The following LAMA2 variants were observed in gnomAD, a reference collection of about 807,000 sequenced individuals.
LAMA2 encodes laminin subunit alpha-2.
A neutral mutation model predicts 364.8 loss-of-function variants in LAMA2; 269 were observed. That is an observed-to-expected ratio of 0.74 (90% confidence interval 0.67 to 0.82). The LOEUF is 0.82. LAMA2 is among the 40% of genes least tolerant of loss of function. The pLI, the probability that LAMA2 is intolerant of heterozygous loss-of-function variation, is 0.00. For synonymous variants in LAMA2, 1,379 were observed against 1,370.6 expected (o/e 1.01, Z -0.14); for missense variants, 3,807 against 3,873.2 (o/e 0.98, Z 0.45).
chr6:128,942,086 G>A (rs1048089713), intron 1 of LAMA2, among the ~76,000 whole-genome samples: 7 of 152,106 alleles, frequency 4.6e-5, no homozygotes, highest in Middle Eastern at 3.4e-3. Context: ...ACTAAACAAC[G>A]GAAGCACAAA....
chr6:129,478,063 G>A (rs1784163917), intron 53 of LAMA2, among the ~76,000 whole-genome samples: 1 of 152,028 alleles, frequency 6.6e-6, no homozygotes. Flanking sequence ...CAAAATGCAG[G>A]GATTACAGGA....
chr6:128,891,991 A>C (rs1225345236), intron 1 of LAMA2, among the ~76,000 whole-genome samples: 7 of 152,080 alleles, frequency 4.6e-5, no homozygotes, highest in Non-Finnish European at 8.8e-5. Flanking sequence ...CAACGGAGTT[A>C]AATTTTCTAT....
chr6:129,259,311 C>A (rs1380967624), intron 14 of LAMA2, among the ~76,000 whole-genome samples: 1 of 152,070 alleles, frequency 6.6e-6, no homozygotes, highest in Non-Finnish European at 1.5e-5. Context: ...ATTCCCAAAT[C>A]TAACAAGTTA....
chr6:129,272,073 G>T (rs1205301642), intron 17 of LAMA2, among the ~76,000 whole-genome samples: 1 of 152,126 alleles, frequency 6.6e-6, no homozygotes, highest in Admixed American at 6.6e-5. Context: ...TGGAAAAGAA[G>T]AGAAAGCACT....
chr6:129,145,109 G>T (rs1256150633), intron 5 of LAMA2, among the ~76,000 whole-genome samples: 4 of 152,002 alleles, frequency 2.6e-5, no homozygotes, highest in Non-Finnish European at 1.5e-5. Flanking sequence ...ACTATAGGGA[G>T]AAATTAATAT....
At chr6:129,475,316 T>A in intron 52 of LAMA2, 74 bp from the exon 53 acceptor site, 1 of 889,808 alleles carries the variant, frequency 1.1e-6, no homozygotes, top group Non-Finnish European at 1.7e-6. Context: ...GTTTATTGTT[T>A]TACTAAATGA....
intron 28 of LAMA2, among the ~76,000 whole-genome samples, chr6:129,324,645 C>T (rs1775164764): frequency 6.6e-6 from 1 of 152,186 alleles, no homozygotes; most frequent in Non-Finnish European, 1.5e-5. Context: ...CACACCTAGG[C>T]TACATGGGAT....
intron 12 of LAMA2, among the ~76,000 whole-genome samples, chr6:129,243,940 C>T (rs1435661076): frequency 6.6e-6 from 1 of 151,006 alleles, no homozygotes; most frequent in East Asian, 1.9e-4. Context: ...AAAAAGAGGG[C>T]AGGAAAAGCA....
chr6:129,498,171 C>G (rs1293410992), intron 58 of LAMA2, among the ~76,000 whole-genome samples: 1 of 152,114 alleles, frequency 6.6e-6, no homozygotes. Context: ...AAGAGTTCAG[C>G]CGTAAACCTC....
intron 39 of LAMA2, 51 bp downstream of exon 39, chr6:129,402,538 G>C (rs1780041089): frequency 6.5e-7 from 1 of 1,536,520 alleles, no homozygotes; most frequent in Non-Finnish European, 9.0e-7. Flanking sequence ...CTTGTCCAAA[G>C]GTTTTGACTA....
intron 3 of LAMA2, among the ~76,000 whole-genome samples, chr6:129,085,395 A>AC (rs1774316872): frequency 1.3e-5 from 2 of 152,200 alleles, no homozygotes; most frequent in Non-Finnish European, 2.9e-5. Context: ...TGACACTCAT[A>AC]ACCTGTTGAA....
At position 128,964,631 on chromosome 6, in the gene LAMA2, T is replaced by G. The variant is rs546455777; in HGVS notation, c.112+81274T>G. 3.3e-5 allele frequency among the ~76,000 whole-genome samples: 5 copies of G among 152,218 alleles called. No homozygotes were observed. The South Asian group carries it at 1.0e-3, about 31-fold the overall frequency. ...TTCCTTGAAGCAACATGTTATAGCC[T>G]AAATGTTGTTTCCTTCAATTATGTT... On this transcript the variant is annotated intron_variant, in intron 1 of 64. Transcript: ENST00000421865.
Position 129,131,415 on chromosome 6 carries a change from C to T in LAMA2, c.640-12486C>T, listed in dbSNP as rs58456778. Among the ~76,000 whole-genome samples the T allele has an allele frequency of 9.7e-3, 1,478 of 152,316 alleles. 30 individuals carry two copies. Among genetic ancestry groups the T allele is most frequent in the African/African-American group, 0.034 (1,411 of 41,558 alleles). On this transcript the variant is annotated intron_variant, in intron 4 of 64. Coordinates refer to ENST00000421865, the MANE Select transcript of LAMA2 (RefSeq NM_000426.4). The stretch of plus-strand genomic sequence containing the variant: ...TGAGTTTTAGCTTGTCCCCAACTCC[C>T]TGCCAGCTAACCATCAACACAAGCT...
At chr6:129,459,002 TAC>T (rs1783110065) in intron 48 of LAMA2, among the ~76,000 whole-genome samples, 1 of 152,078 alleles carries the variant, frequency 6.6e-6, no homozygotes, top group Non-Finnish European at 1.5e-5. Flanking sequence ...CAGAATATAA[TAC>T]AGTCATGTGT....
At chr6:129,350,261 A>G (rs1458409229) in intron 31 of LAMA2, among the ~76,000 whole-genome samples, 1 of 152,254 alleles carries the variant, frequency 6.6e-6, no homozygotes, top group Non-Finnish European at 1.5e-5. Context: ...AAAGATCCAT[A>G]GACTTCGCTC....
rs528492282 is a variant in LAMA2 at position 129,240,959 on chromosome 6, G to A, written c.1783-9153G>A. Among the ~76,000 whole-genome samples, 4 of 152,280 alleles carry A rather than the reference G, an allele frequency of 2.6e-5. No homozygotes were observed. The East Asian group carries it at 5.8e-4, about 22-fold the overall frequency. ...AAAGCTTCCTTATTTTAAAACAAAT[G>A]CATTTGTGGTTCACCAGTCTGCAGT... On this transcript the variant is annotated intron_variant, in intron 12 of 64. Transcript: ENST00000421865.
chr6:129,503,359 T>G (rs1562629344), intron 60 of LAMA2, 79 bp downstream of exon 60: 1 of 1,378,274 alleles, frequency 7.3e-7, no homozygotes, highest in Non-Finnish European at 1.0e-6. Context: ...GGTGCCAGTA[T>G]ATTTTGCCAG....
intron 12 of LAMA2, among the ~76,000 whole-genome samples, chr6:129,200,544 G>GTA (rs746498883): frequency 5.7e-4 from 85 of 150,248 alleles, no homozygotes; most frequent in African/African-American, 1.3e-3. Context: ...GTGAGTGTGT[G>GTA]TATATATATA....
intron 56 of LAMA2, among the ~76,000 whole-genome samples, chr6:129,488,709 C>G (rs1313719601): frequency 6.6e-6 from 1 of 152,200 alleles, no homozygotes; most frequent in Admixed American, 6.5e-5. Context: ...AACAGTAATA[C>G]ATTTGCTACC....
Sources: gnomAD v4.1 joint callset for allele counts (sites outside exome capture counted in the v4.1 genomes callset) on GRCh38, gnomAD v4.1.1 for gene constraint, MANE v1.5 for transcripts, NCBI Gene and HGNC (gene_info 2026-07-23, HGNC 2026-07-21) for gene names.